The following MON2 variants were observed in gnomAD, a reference collection of about 807,000 sequenced individuals.
The protein encoded by MON2 is protein MON2 homolog.
In MON2, 84 loss-of-function variants were observed where a neutral mutation model predicts 208.6. The ratio of observed to expected loss-of-function variants is 0.40; its 90% CI spans 0.34 to 0.48. The LOEUF (loss-of-function observed/expected upper bound fraction) is 0.48. MON2 is among the 20% of genes least tolerant of loss of function. MON2 has a pLI of 0.59. For synonymous variants in MON2, 660 were observed against 694.0 expected, an observed-to-expected ratio of 0.95 and a Z score of 0.77; for missense variants, 1,611 against 2,015.4, an observed-to-expected ratio of 0.80 and a Z score of 3.84.
chr12:62,474,501 C>T (rs574150315), intron 1 of MON2, among the ~76,000 whole-genome samples: 23 of 151,644 alleles, frequency 1.5e-4, no homozygotes, highest in African/African-American at 2.9e-4. Context: ...CTCGGCTCAC[C>T]GCAACTTCTG....
Position 62,488,797 on chromosome 12 carries a change from G to A in MON2, c.175+4564G>A, listed in dbSNP as rs186598395. 6.6e-5 allele frequency among the ~76,000 whole-genome samples: 10 copies of A among 151,382 alleles called. No homozygotes were observed. The East Asian group carries it at 1.5e-3, about 23-fold the overall frequency. On this transcript the variant is annotated intron_variant, in intron 2 of 34. Transcript: ENST00000393630. ...TAAAATTTACATTCTTATATCATTCGTGTTTTTTGTTATAAATATTTTTCT... is the reference window on the plus strand; with the variant it reads ...TAAAATTTACATTCTTATATCATTCATGTTTTTTGTTATAAATATTTTTCT...
At chr12:62,561,226 A>C (rs2074186109) in intron 26 of MON2, 113 bp downstream of exon 26, 4 of 823,318 alleles carry the variant, frequency 4.9e-6, no homozygotes, top group Non-Finnish European at 5.4e-6. Flanking sequence ...TTTTATATGT[A>C]TACTTTGGGA....
intron 11 of MON2, among the ~76,000 whole-genome samples, chr12:62,526,612 AG>A (rs1412348350): frequency 6.6e-6 from 1 of 152,210 alleles, no homozygotes; most frequent in Non-Finnish European, 1.5e-5. Flanking sequence ...TTAATTAAAA[AG>A]TGTTTAATGG....
chr12:62,526,283 T>G (rs990785276), intron 11 of MON2, among the ~76,000 whole-genome samples, 181 bp downstream of exon 11: 9 of 152,178 alleles, frequency 5.9e-5, no homozygotes, highest in African/African-American at 2.2e-4. Flanking sequence ...TGTTTTCTTT[T>G]GTGCTGTTTG....
At chr12:62,512,662 A>T (rs938448595) in intron 8 of MON2, among the ~76,000 whole-genome samples, 2 of 152,078 alleles carry the variant, frequency 1.3e-5, no homozygotes, top group African/African-American at 4.8e-5. Context: ...TGAATCTGTC[A>T]TTCTGGTGTC....
chr12:62,491,704 T>C (rs562483098), intron 2 of MON2, among the ~76,000 whole-genome samples: 123 of 152,182 alleles, frequency 8.1e-4, no homozygotes, highest in Non-Finnish European at 1.4e-3. Flanking sequence ...TCAGTAGGGC[T>C]GCATCAGGCC....
At chr12:62,573,702 T>C (rs1026998851) in intron 30 of MON2, among the ~76,000 whole-genome samples, 1 of 152,048 alleles carries the variant, frequency 6.6e-6, no homozygotes, top group Admixed American at 6.5e-5. Context: ...TGAGAGTTTT[T>C]CTGCCATCTT....
chr12:62,507,141 A>G (rs1487574782), intron 7 of MON2, among the ~76,000 whole-genome samples: 1 of 38,498 alleles, frequency 2.6e-5, no homozygotes, highest in Non-Finnish European at 4.7e-5. Flanking sequence ...ACAAAATTTT[A>G]AGTTAATTAT....
At chr12:62,543,775 T>C (rs1257202138) in intron 20 of MON2, among the ~76,000 whole-genome samples, 1 of 152,110 alleles carries the variant, frequency 6.6e-6, no homozygotes, top group Non-Finnish European at 1.5e-5. Flanking sequence ...ACCTGGCTTA[T>C]TTTTGTATTT....
At chr12:62,476,068 A>G (rs2069057904) in intron 1 of MON2, among the ~76,000 whole-genome samples, 1 of 152,106 alleles carries the variant, frequency 6.6e-6, no homozygotes, top group Non-Finnish European at 1.5e-5. Flanking sequence ...TACCATGTAT[A>G]TATTTTTAGT....
At position 62,552,895 on chromosome 12, in the gene MON2, T is replaced by A. The variant is rs1458376996; in HGVS notation, c.2931T>A (p.Asp977Glu). The A allele has an allele frequency of 6.2e-7, 1 of 1,612,160 alleles. No individual in the cohort carries two copies. Among genetic ancestry groups the A allele is most frequent in the African/African-American group, 1.3e-5 (1 of 74,830 alleles). The change falls in exon 24 of 35, where the codon GAT (aspartate) becomes GAA (glutamate). Residue 977 changes from aspartate to glutamate, a missense_variant. Physicochemically the swap from Asp to Glu is conservative, Grantham distance 45. Coordinates refer to ENST00000393630, the MANE Select transcript of MON2 (RefSeq NM_015026.3). Reference protein sequence around the residue: ...TSIGLLWNISDYFFQRGETIE... With the variant: ...TSIGLLWNISEYFFQRGETIE... ...TTGCTTTTTAGTGGAATATTTCAGA[T>A]TATTTTTTCCAAAGAGGGGAAACTA...
chr12:62,565,290 C>T lies in MON2; in HGVS notation c.4086C>T (p.Asp1362=). The change falls in exon 27 of 35, where the codon GAC becomes GAT. Residue 1362 remains aspartate (D), a synonymous_variant. Coordinates refer to ENST00000393630, the MANE Select transcript of MON2 (RefSeq NM_015026.3). ...NMQIMYPAIF[D]QLLAFVEFSC... Reference sequence around the variant, plus strand: ...AGATAATGTATCCAGCTATATTTGACCAGTTGTTGGCATTTGTAGAATTTT... The same window carrying T: ...AGATAATGTATCCAGCTATATTTGATCAGTTGTTGGCATTTGTAGAATTTT... The T allele has an allele frequency of 6.2e-7, 1 of 1,613,068 alleles. No homozygotes were observed. The highest frequency in any genetic ancestry group is 1.7e-5 in the Admixed American group (1 of 59,972).
intron 12 of MON2, among the ~76,000 whole-genome samples, chr12:62,534,584 A>ATATATATATTAT (rs2072875645): frequency 7.5e-6 from 1 of 134,208 alleles, no homozygotes; most frequent in African/African-American, 2.8e-5. Context: ...ATATATATAT[A>ATATATATATTAT]AAATTTAACG....
At chr12:62,550,909 C>CTTTTTTTTTTTTTTT (rs869160726) in intron 23 of MON2, among the ~76,000 whole-genome samples, 47 of 43,810 alleles carry the variant, frequency 1.1e-3, no homozygotes, top group Non-Finnish European at 1.5e-3. Context: ...TTCTTTCTTT[C>CTTTTTTTTTTTTTTT]TTTTTTTTTT....
At position 62,508,526 on chromosome 12, in the gene MON2, G is replaced by T. The variant is rs758919793; in HGVS notation, c.984+46G>T. On this transcript the variant is annotated intron_variant, in intron 8 of 34. Coordinates refer to ENST00000393630, the MANE Select transcript of MON2 (RefSeq NM_015026.3). ...GTATTTGTGTATATAGTTGCATGTT[G>T]TGCCCTTTGTAAAAAGTGGTCTGTT... 1.2e-5 allele frequency: 19 copies of T among 1,562,322 alleles called. No individual in the cohort carries two copies. In the Admixed American group the frequency reaches 1.3e-4, roughly 11 times the overall value.
chr12:62,478,106 A>C (rs2069192849), intron 1 of MON2, among the ~76,000 whole-genome samples: 1 of 149,764 alleles, frequency 6.7e-6, no homozygotes, highest in African/African-American at 2.5e-5. Context: ...TAGAATTGGC[A>C]CTTGTAGATA....
rs1305336219 is a variant in MON2 at position 62,466,978 on chromosome 12, G to A, written c.-230G>A. ...GGGTTTCTCGGCCAGAGTCGGCGGA[G>A]CCTAGCGGGACGGTGCGACTGCGGG... is the stretch of plus-strand genomic sequence containing the variant. On this transcript the variant is annotated 5_prime_UTR_variant, in exon 1 of 35. Transcript: ENST00000393630. The A allele has an allele frequency of 1.1e-5, 6 of 525,934 alleles. No individual in the cohort carries two copies. The highest frequency in any genetic ancestry group is 2.0e-5 in the Non-Finnish European group (6 of 296,422). The allele number at this position is 525,934 out of a possible 1,614,324, so 32.6% of individuals were successfully genotyped here.
chr12:62,574,379 T>A (rs1163018044), intron 30 of MON2, among the ~76,000 whole-genome samples: 3 of 152,072 alleles, frequency 2.0e-5, no homozygotes, highest in African/African-American at 7.2e-5. Flanking sequence ...GGTTTTTGTT[T>A]GTTTTTGTTT....
intron 19 of MON2, among the ~76,000 whole-genome samples, chr12:62,538,753 A>T (rs991725737): frequency 6.6e-6 from 1 of 152,070 alleles, no homozygotes; most frequent in African/African-American, 2.4e-5. Flanking sequence ...TGAACATTTT[A>T]AAAATATTTT....
Sources: gnomAD v4.1 joint callset for allele counts (sites outside exome capture counted in the v4.1 genomes callset) on GRCh38, gnomAD v4.1.1 for gene constraint, MANE v1.5 for transcripts, NCBI Gene and HGNC (gene_info 2026-07-23, HGNC 2026-07-21) for gene names.